The following NADK variants were observed in gnomAD, a reference collection of about 807,000 sequenced individuals.
NADK encodes poly(P)/ATP NAD kinase.
In NADK, 22 loss-of-function variants were observed where a neutral mutation model predicts 49.8. The ratio of observed to expected loss-of-function variants is 0.44; its 90% CI spans 0.32 to 0.63. The LOEUF (loss-of-function observed/expected upper bound fraction) is 0.63, where lower values mean the gene tolerates loss of function less well. Among genes scored for constraint, NADK ranks in the 30% least tolerant of loss-of-function variants. The pLI is 0.06. For synonymous variants in NADK, 268 were observed against 253.7 expected, an observed-to-expected ratio of 1.06 and a Z score of -0.54; for missense variants, 438 against 609.4, an observed-to-expected ratio of 0.72 and a Z score of 2.96.
At chr1:1,761,544 G>C in intron 3 of NADK, 1 of 182,772 alleles carries the variant, frequency 5.5e-6, no homozygotes, top group South Asian at 1.2e-4. Flanking sequence ...CCATCAAATA[G>C]CAAACGCAAC....
At chr1:1,758,695 C>G in intron 3 of NADK, 1 of 1,334,712 alleles carries the variant, frequency 7.5e-7, no homozygotes, top group African/African-American at 1.5e-5. Flanking sequence ...AAAACAGTTT[C>G]CTCATTGGTC....
intron 7 of NADK, among the ~76,000 whole-genome samples, chr1:1,755,098 C>T (rs1191484314): frequency 2.0e-5 from 3 of 152,200 alleles, no homozygotes; most frequent in Non-Finnish European, 1.5e-5. Context: ...GGATGACAGG[C>T]GTGAGCCACC....
intron 2 of NADK, 104 bp from the exon 3 acceptor site, chr1:1,762,139 T>G: frequency 2.1e-6 from 2 of 944,884 alleles, no homozygotes; most frequent in South Asian, 2.8e-5. Context: ...ACATGCAATT[T>G]GAAAGATGCC....
At chr1:1,756,112 G>A (rs1557836714) in intron 6 of NADK, 146 bp downstream of exon 6, 1 of 756,932 alleles carries the variant, frequency 1.3e-6, no homozygotes, top group Non-Finnish European at 2.3e-6. Context: ...CCACCGGGCT[G>A]CCACCATGGG....
In NADK at chr1:1,760,018, G is replaced by A. The variant is rs879317673; in HGVS notation, c.263+1934C>T. ...GACAGAGCCACGGCGGGGCCGGGAG[G>A]GCAGTGGAGCACTCTGGGTCACCCA... is the stretch of plus-strand genomic sequence containing the variant. On this transcript the variant is annotated intron_variant, in intron 3 of 11. Transcript: ENST00000341426. 6.2e-6 allele frequency: 7 copies of A among 1,136,222 alleles called. No individual in the cohort carries two copies. In the African/African-American group the frequency reaches 7.7e-5, roughly 12 times the overall value. The allele number at this position is 1,136,222 out of a possible 1,614,324, so 70.4% of individuals were successfully genotyped here.
chr1:1,771,073 T>TAG (rs1192677248), intron 1 of NADK, among the ~76,000 whole-genome samples: 2 of 145,104 alleles, frequency 1.4e-5, no homozygotes, highest in Non-Finnish European at 3.0e-5. Flanking sequence ...TATATATATA[T>TAG]ATACACACAC....
intron 11 of NADK, 79 bp from the exon 12 acceptor site, chr1:1,753,139 C>T (rs1298190615): frequency 6.7e-7 from 1 of 1,490,220 alleles, no homozygotes; most frequent in Non-Finnish European, 9.1e-7. Flanking sequence ...CTCCCTCCCT[C>T]CCTGGGAATG....
At chr1:1,765,471 T>C (rs1645858153) in intron 1 of NADK, 25 bp from the exon 2 acceptor site, 1 of 1,029,836 alleles carries the variant, frequency 9.7e-7, no homozygotes, top group Admixed American at 3.3e-5. Context: ...ATAAATAATG[T>C]AAATAAAGTA....
chr1:1,761,182 G>T (rs1024838925), intron 3 of NADK, among the ~76,000 whole-genome samples: 3 of 152,170 alleles, frequency 2.0e-5, no homozygotes, highest in Non-Finnish European at 4.4e-5. Context: ...TAGTAGAGAT[G>T]GGGTTTCACC....
In NADK at chr1:1,754,234, C is replaced by T. The variant is rs1645433053; in HGVS notation, c.944-26G>A. On this transcript the variant is annotated intron_variant, in intron 9 of 11. Transcript: ENST00000341426. The surrounding 1 kb of genome is among the most constrained non-coding windows in gnomAD (Gnocchi z 4.3). Reference sequence around the variant, plus strand: ...CTGACAGGGACAGGCGCAGGCGTCACTCCCGCCCGAGGGACGCTCAGGGCC... The same window carrying T: ...CTGACAGGGACAGGCGCAGGCGTCATTCCCGCCCGAGGGACGCTCAGGGCC... 3.7e-6 allele frequency: 6 copies of T among 1,613,012 alleles called. No homozygotes were observed. The highest frequency in any genetic ancestry group is 3.3e-5 in the Admixed American group (2 of 59,966).
intron 1 of NADK, among the ~76,000 whole-genome samples, chr1:1,770,442 G>C (rs1247516368): frequency 6.6e-6 from 1 of 152,140 alleles, no homozygotes; most frequent in Non-Finnish European, 1.5e-5. Flanking sequence ...ACAAATAAGT[G>C]AGTTTATTAG....
chr1:1,759,976 C>G, intron 3 of NADK: 1 of 1,484,736 alleles, frequency 6.7e-7, no homozygotes, highest in Non-Finnish European at 9.1e-7. Context: ...AGGGACACAG[C>G]AAGCACAGGA....
intron 3 of NADK, chr1:1,758,376 A>G: frequency 6.2e-7 from 1 of 1,610,174 alleles, no homozygotes; most frequent in Non-Finnish European, 8.5e-7. Flanking sequence ...CTGTGCAGGC[A>G]TTACTGGGAG....
In NADK at chr1:1,756,544, C is replaced by G; in HGVS notation, c.458G>C (p.Ser153Thr). 6.2e-7 allele frequency: 1 copy of G among 1,614,120 alleles called. No homozygotes were observed. The highest frequency in any genetic ancestry group is 8.5e-7 in the Non-Finnish European group (1 of 1,180,038). ...LEDPAIASDESFGAVKKKFCT... is the reference protein window; with the variant it reads ...LEDPAIASDETFGAVKKKFCT... ...GAATTTCTTCTTCACTGCCCCAAAG[C>G]TTTCATCGCTGGCGATGGCAGGGTC... Residue 153 changes from serine (S) to threonine (T), a missense_variant, in exon 5 of 12, where the codon AGC becomes ACC. Ser to Thr is a moderately conservative substitution (Grantham distance 58). Coordinates refer to ENST00000341426, the MANE Select transcript of NADK (RefSeq NM_023018.5).
chr1:1,761,066 T>C (rs926813356), intron 3 of NADK, among the ~76,000 whole-genome samples: 6 of 152,180 alleles, frequency 3.9e-5, no homozygotes, highest in African/African-American at 1.4e-4. Flanking sequence ...GATCTTCGGC[T>C]TACTGCAACA....
Position 1,754,615 on chromosome 1 carries a change from CA to C in NADK, c.771del (p.Asn257LysfsTer27). Reference protein sequence around the residue: ...ELRGKKTAVHNGLGENGSQAA... With the variant: ...ELRGKKTAVHXGLGENGSQAA... Reference sequence around the variant, plus strand: ...GCCTGCGAGCCGTTCTCACCCAGCCCATTGTGCACGGCCGTCTTCTTCCCCC... The same window carrying C: ...GCCTGCGAGCCGTTCTCACCCAGCCCTTGTGCACGGCCGTCTTCTTCCCCC... On this transcript the variant is annotated frameshift_variant, in exon 8 of 12. Transcript: ENST00000341426. LOFTEE classifies it high-confidence loss of function. The surrounding 1 kb of genome is among the most constrained non-coding windows in gnomAD (Gnocchi z 4.3). 1 of 1,613,996 alleles carries C rather than the reference CA, an allele frequency of 6.2e-7. No individual in the cohort carries two copies. The highest frequency in any genetic ancestry group is 8.5e-7 in the Non-Finnish European group (1 of 1,179,936).
chr1:1,763,870 C>T (rs1466657226), intron 2 of NADK, among the ~76,000 whole-genome samples: 1 of 151,906 alleles, frequency 6.6e-6, no homozygotes, highest in Non-Finnish European at 1.5e-5. Flanking sequence ...GTTCAGAATG[C>T]AACAGAAATG....
In NADK at chr1:1,771,051, A is replaced by T. The variant is rs1227158356; in HGVS notation, c.-40-5605T>A. ...GTGAGATTTCATCTTATAAAAAAAA[A>T]AAAAATATATATATATATATATATA... On this transcript the variant is annotated intron_variant, in intron 1 of 11. Transcript: ENST00000341426. Among the ~76,000 whole-genome samples the T allele has an allele frequency of 7.3e-4, 106 of 145,166 alleles. 2 individuals carry two copies. In the South Asian group the frequency reaches 0.018, roughly 24 times the overall value.
chr1:1,757,930 G>A (rs1268697079), intron 3 of NADK, among the ~76,000 whole-genome samples: 4 of 152,214 alleles, frequency 2.6e-5, no homozygotes, highest in South Asian at 2.1e-4. Flanking sequence ...ACAGCCACCC[G>A]CGCTTTGCTG....
Sources: gnomAD v4.1 joint callset for allele counts (sites outside exome capture counted in the v4.1 genomes callset) on GRCh38, gnomAD v4.1.1 for gene constraint, Gnocchi (gnomAD v3.1) non-coding constraint, MANE v1.5 for transcripts, NCBI Gene and HGNC (gene_info 2026-07-23, HGNC 2026-07-21) for gene names.